The following LKAAEAR1 variants were observed in gnomAD, a reference collection of about 807,000 sequenced individuals.
LKAAEAR1 encodes the protein LKAAEAR motif containing 1, also known as protein LKAAEAR1.
LKAAEAR1 carries 19 observed loss-of-function variants against 16.5 expected under a neutral mutation model. The observed-to-expected ratio is 1.15, with a 90% CI of 0.80 to 1.69. The LOEUF (loss-of-function observed/expected upper bound fraction) is 1.69, where lower values mean the gene tolerates loss of function less well. LKAAEAR1 is among the 40% of genes most tolerant of loss of function. The pLI is 0.00. For synonymous variants in LKAAEAR1, 124 were observed against 152.7 expected, an observed-to-expected ratio of 0.81 and a Z score of 1.39; for missense variants, 304 against 315.8, an observed-to-expected ratio of 0.96 and a Z score of 0.28.
rs1402167397 is a variant in LKAAEAR1, at chr20:64,084,158, G to A, written c.62C>T (p.Ala21Val). The change falls in exon 1 of 3, where the codon GCG becomes GTG. Residue 21 changes from alanine (A) to valine (V), a missense_variant. Ala to Val is a moderately conservative substitution (Grantham distance 64). Transcript: ENST00000302096. The part of the protein sequence containing the change: ...KGPRERSGKS[A>V]PGTAQGEERA... ...CTCCTCACCCTGCGCCGTGCCTGGC[G>A]CGCTCTTCCCGCTTCGCTCCCGCGG... 6.9e-7 allele frequency: 1 copy of A among 1,454,496 alleles called. No individual in the cohort carries two copies. The highest frequency in any genetic ancestry group is 9.0e-7 in the Non-Finnish European group (1 of 1,111,254). The allele number at this position is 1,454,496 out of a possible 1,614,324, so 90.1% of individuals were successfully genotyped here.
upstream of LKAAEAR1, among the ~76,000 whole-genome samples, chr20:64,084,591 C>A (rs1362111915): frequency 6.6e-6 from 1 of 152,218 alleles, no homozygotes; most frequent in Admixed American, 6.5e-5. Flanking sequence ...CTAGGTGACG[C>A]CTGGGGGACC....
chr20:64,084,632 A>T (rs935086978), upstream of LKAAEAR1, among the ~76,000 whole-genome samples: 1 of 152,132 alleles, frequency 6.6e-6, no homozygotes, highest in Admixed American at 6.5e-5. Flanking sequence ...GCGGTCCCCG[A>T]CAGTCAGGGT....
In LKAAEAR1 at chr20:64,083,951, A is replaced by T; in HGVS notation, c.269T>A (p.Met90Lys). ...CTGCGTCCACGGGCGCGGGTCGGGC[A>T]TGCGGTACCCCGGTTCCACCGACCC... ...PCGSVEPGYR[M>K]PDPRPWTQSL... Residue 90 changes from methionine to lysine, a missense_variant, in exon 1 of 3, where the codon ATG (methionine) becomes AAG (lysine). By Grantham distance (95) the Met-to-Lys change is moderately conservative (BLOSUM62 -1). Coordinates refer to ENST00000302096, the MANE Select transcript of LKAAEAR1 (RefSeq NM_001353425.2). This position sits in a 1 kb window ranked among gnomAD's most constrained non-coding sequence, Gnocchi z 4.9. The T allele has an allele frequency of 6.8e-7, 1 of 1,464,612 alleles. No individual in the cohort carries two copies. The highest frequency in any genetic ancestry group is 9.0e-7 in the Non-Finnish European group (1 of 1,114,500). 90.7% of individuals were successfully genotyped at this position (1,464,612 alleles called of 1,614,324 possible).
chr20:64,083,702 C>T lies in LKAAEAR1; in HGVS notation c.406G>A (p.Glu136Lys). 1 of 1,388,556 alleles carries T rather than the reference C, an allele frequency of 7.2e-7. No homozygotes were observed. Among genetic ancestry groups the T allele is most frequent in the South Asian group, 1.6e-5 (1 of 61,406 alleles). The allele number at this position is 1,388,556 out of a possible 1,614,324, so 86.0% of individuals were successfully genotyped here. Residue 136 changes from glutamate to lysine, a missense_variant, in exon 2 of 3, where the codon GAG becomes AAG. Transcript: ENST00000302096. This position sits in a 1 kb window ranked among gnomAD's most constrained non-coding sequence, Gnocchi z 4.9. ...CGCTGGATGAGCAGCGCGATCTCCTCGGCCTGCGGGGCCCGGGTAGCTGAG... is the reference window on the plus strand; with the variant it reads ...CGCTGGATGAGCAGCGCGATCTCCTTGGCCTGCGGGGCCCGGGTAGCTGAG... ...LRLRYTRMRA[E>K]EIALLIQRQK...
chr20:64,083,874 C>A lies in LKAAEAR1; in HGVS notation c.346G>T (p.Ala116Ser). ...RQNRLLGVLK[A>S]AEARGRVRAL... ...CGGACTCGCCCGCGGGCCTCCGCTG[C>A]CTTGAGGACGCCGAGGAGCCGGTTC... The change falls in exon 1 of 3, where the codon GCA (alanine) becomes TCA (serine). Residue 116 changes from alanine to serine, a missense_variant. Coordinates refer to ENST00000302096, the MANE Select transcript of LKAAEAR1 (RefSeq NM_001353425.2). This position sits in a 1 kb window ranked among gnomAD's most constrained non-coding sequence, Gnocchi z 4.9. The A allele has an allele frequency of 7.0e-7, 1 of 1,435,526 alleles. No homozygotes were observed. Among genetic ancestry groups the A allele is most frequent in the Non-Finnish European group, 9.1e-7 (1 of 1,101,530 alleles). The allele number at this position is 1,435,526 out of a possible 1,614,324, so 88.9% of individuals were successfully genotyped here. A position where few individuals can be genotyped will look rare whatever the true frequency, so the allele number is the denominator to read the frequency against.
In LKAAEAR1 at chr20:64,083,930, G is replaced by A. The variant is rs1042301722; in HGVS notation, c.290C>T (p.Thr97Met). Residue 97 changes from threonine (T) to methionine (M), a missense_variant, in exon 1 of 3, where the codon ACG (threonine) becomes ATG (methionine). By Grantham distance (81) the Thr-to-Met change is moderately conservative. Transcript: ENST00000302096. The surrounding 1 kb of genome is among the most constrained non-coding windows in gnomAD (Gnocchi z 4.9). Reference protein sequence around the residue: ...GYRMPDPRPWTQSLELPAERQ... With the variant: ...GYRMPDPRPWMQSLELPAERQ... Reference sequence around the variant, plus strand: ...CTCGGCGGGCAGCTCGAGCGACTGCGTCCACGGGCGCGGGTCGGGCATGCG... The same window carrying A: ...CTCGGCGGGCAGCTCGAGCGACTGCATCCACGGGCGCGGGTCGGGCATGCG... 2.1e-6 allele frequency: 3 copies of A among 1,455,378 alleles called. No individual in the cohort carries two copies. The highest frequency in any genetic ancestry group is 2.5e-5 in the Admixed American group (1 of 39,742). 90.2% of individuals were successfully genotyped at this position (1,455,378 alleles called of 1,614,324 possible).
upstream of LKAAEAR1, among the ~76,000 whole-genome samples, chr20:64,084,613 C>T (rs4527258): frequency 3.3e-5 from 5 of 152,192 alleles, no homozygotes; most frequent in Admixed American, 3.3e-4. Context: ...TCGTTGTGCC[C>T]CTATGTCTGC....
chr20:64,083,475 A>G lies in LKAAEAR1; in HGVS notation c.545T>C (p.Ile182Thr), dbSNP rs2059992487. The G allele has an allele frequency of 1.9e-6, 3 of 1,603,732 alleles. No homozygotes were observed. The highest frequency in any genetic ancestry group is 2.6e-6 in the Non-Finnish European group (3 of 1,176,168). ...DRQERRRVET[I>T]LEENVDGTIF... The stretch of plus-strand genomic sequence containing the variant: ...GGTGCCATCCACGTTCTCCTCCAGG[A>G]TGGTCTCCACGCGCCTCCGCTGCCG... Residue 182 changes from isoleucine to threonine, a missense_variant, in exon 3 of 3, where the codon ATC becomes ACC. Ile to Thr is a moderately conservative substitution (Grantham distance 89, BLOSUM62 -1). Coordinates refer to ENST00000302096, the MANE Select transcript of LKAAEAR1 (RefSeq NM_001353425.2). The surrounding 1 kb of genome is among the most constrained non-coding windows in gnomAD (Gnocchi z 4.9).
In LKAAEAR1 at chr20:64,083,720, T is replaced by C; in HGVS notation, c.403-15A>G. The C allele has an allele frequency of 7.3e-7, 1 of 1,361,936 alleles. No homozygotes were observed. The highest frequency in any genetic ancestry group is 9.4e-7 in the Non-Finnish European group (1 of 1,065,886). The allele number at this position is 1,361,936 out of a possible 1,614,324, so 84.4% of individuals were successfully genotyped here. A position where few individuals can be genotyped will look rare whatever the true frequency, so the allele number is the denominator to read the frequency against. On this transcript the variant is annotated splice_polypyrimidine_tract_variant and intron_variant, in intron 1 of 2. Transcript: ENST00000302096. This position sits in a 1 kb window ranked among gnomAD's most constrained non-coding sequence, Gnocchi z 4.9. ...ATCTCCTCGGCCTGCGGGGCCCGGG[T>C]AGCTGAGCGCGCGCCGAGCCCCGCC...
rs1047389456 is a variant in LKAAEAR1 at position 64,083,598 on chromosome 20, G to A, written c.510C>T (p.Pro170=). The change falls in exon 2 of 3, where the codon CCC becomes CCT. Residue 170 remains proline, a synonymous_variant. Transcript: ENST00000302096. This position sits in a 1 kb window ranked among gnomAD's most constrained non-coding sequence, Gnocchi z 4.9. ...PQLKPARIPD[P]LDRQERRRVE... ...TTGTCTGCACCTCTTGGCGGTCCAGGGGGTCCGGGATCCGCGCGGGCTTCA... is the reference window on the plus strand; with the variant it reads ...TTGTCTGCACCTCTTGGCGGTCCAGAGGGTCCGGGATCCGCGCGGGCTTCA... 2 of 1,491,156 alleles carry A rather than the reference G, an allele frequency of 1.3e-6. No homozygotes were observed. Among genetic ancestry groups the A allele is most frequent in the African/African-American group, 2.9e-5 (2 of 69,760 alleles). 92.4% of individuals were successfully genotyped at this position (1,491,156 alleles called of 1,614,324 possible).
At position 64,083,547 on chromosome 20, in the gene LKAAEAR1, TC is replaced by T. The variant is rs2059994767; in HGVS notation, c.525+35del. On this transcript the variant is annotated intron_variant, in intron 2 of 2. Coordinates refer to ENST00000302096, the MANE Select transcript of LKAAEAR1 (RefSeq NM_001353425.2). This position sits in a 1 kb window ranked among gnomAD's most constrained non-coding sequence, Gnocchi z 4.9. Reference sequence around the variant, plus strand: ...CGTGTGCGGAGGCGGGCAGGGCCCCTCCCCTTTCCCCGCCCCTACCGGGGCT... The same window carrying T: ...CGTGTGCGGAGGCGGGCAGGGCCCCTCCCTTTCCCCGCCCCTACCGGGGCT... 1.5e-5 allele frequency: 23 copies of T among 1,533,282 alleles called. No individual in the cohort carries two copies. Among genetic ancestry groups the T allele is most frequent in the Non-Finnish European group, 1.8e-5 (21 of 1,139,132 alleles). The allele number at this position is 1,533,282 out of a possible 1,614,324, so 95.0% of individuals were successfully genotyped here. A position where few individuals can be genotyped will look rare whatever the true frequency, so the allele number is the denominator to read the frequency against.
Position 64,084,147 on chromosome 20 carries a change from C to T in LKAAEAR1, c.73G>A (p.Ala25Thr). ...ERSGKSAPGT[A>T]QGEERAKGAP... is the part of the protein sequence containing the mutation. The stretch of plus-strand genomic sequence containing the variant: ...CCCTTGGCACGCTCCTCACCCTGCG[C>T]CGTGCCTGGCGCGCTCTTCCCGCTT... Residue 25 changes from alanine (A) to threonine (T), a missense_variant, in exon 1 of 3, where the codon GCG becomes ACG. Transcript: ENST00000302096. The T allele has an allele frequency of 1.4e-6, 2 of 1,457,926 alleles. No homozygotes were observed. Among genetic ancestry groups the T allele is most frequent in the South Asian group, 1.3e-5 (1 of 75,154 alleles). 90.3% of individuals were successfully genotyped at this position (1,457,926 alleles called of 1,614,324 possible).
At position 64,083,571 on chromosome 20, in the gene LKAAEAR1, G is replaced by T; in HGVS notation, c.525+12C>A. The T allele has an allele frequency of 2.0e-6, 3 of 1,526,412 alleles. No homozygotes were observed. Among genetic ancestry groups the T allele is most frequent in the South Asian group, 2.4e-5 (2 of 82,654 alleles). 94.6% of individuals were successfully genotyped at this position (1,526,412 alleles called of 1,614,324 possible). On this transcript the variant is annotated intron_variant, in intron 2 of 2. Coordinates refer to ENST00000302096, the MANE Select transcript of LKAAEAR1 (RefSeq NM_001353425.2). The surrounding 1 kb of genome is among the most constrained non-coding windows in gnomAD (Gnocchi z 4.9). ...CTCCCCTTTCCCCGCCCCTACCGGG[G>T]CTTGTCTGCACCTCTTGGCGGTCCA...
Position 64,083,868 on chromosome 20 carries a change from C to T in LKAAEAR1, c.352G>A (p.Glu118Lys). ...AGGGCGCGGACTCGCCCGCGGGCCT[C>T]CGCTGCCTTGAGGACGCCGAGGAGC... ...NRLLGVLKAAEARGRVRALRL... is the reference protein window; with the variant it reads ...NRLLGVLKAAKARGRVRALRL... Residue 118 changes from glutamate to lysine, a missense_variant, in exon 1 of 3, where the codon GAG becomes AAG. Transcript: ENST00000302096. The surrounding 1 kb of genome is among the most constrained non-coding windows in gnomAD (Gnocchi z 4.9). The T allele has an allele frequency of 7.0e-7, 1 of 1,426,088 alleles. No homozygotes were observed. The highest frequency in any genetic ancestry group is 1.5e-5 in the African/African-American group (1 of 66,698). The allele number at this position is 1,426,088 out of a possible 1,614,324, so 88.3% of individuals were successfully genotyped here.
At position 64,083,806 on chromosome 20, in the gene LKAAEAR1, C is replaced by A. The variant is rs887482488; in HGVS notation, c.402+12G>T. On this transcript the variant is annotated intron_variant, in intron 1 of 2. Transcript: ENST00000302096. This position sits in a 1 kb window ranked among gnomAD's most constrained non-coding sequence, Gnocchi z 4.9. Reference sequence around the variant, plus strand: ...GGTGCGCCCCCTCTGCCCTCCGACCCCCTCGCCTCACCCGCATGCGGGTGT... The same window carrying A: ...GGTGCGCCCCCTCTGCCCTCCGACCACCTCGCCTCACCCGCATGCGGGTGT... 1 of 1,349,616 alleles carries A rather than the reference C, an allele frequency of 7.4e-7. No homozygotes were observed. The highest frequency in any genetic ancestry group is 1.5e-5 in the African/African-American group (1 of 64,900). 83.6% of individuals were successfully genotyped at this position (1,349,616 alleles called of 1,614,324 possible). A position where few individuals can be genotyped will look rare whatever the true frequency, so the allele number is the denominator to read the frequency against.
Position 64,083,693 on chromosome 20 carries a change from C to A in LKAAEAR1, c.415G>T (p.Ala139Ser). ...GACTTCTGCCGCTGGATGAGCAGCG[C>A]GATCTCCTCGGCCTGCGGGGCCCGG... ...RYTRMRAEEI[A>S]LLIQRQKSAR... Residue 139 changes from alanine to serine, a missense_variant, in exon 2 of 3, where the codon GCG becomes TCG. Transcript: ENST00000302096. This position sits in a 1 kb window ranked among gnomAD's most constrained non-coding sequence, Gnocchi z 4.9. 7.1e-7 allele frequency: 1 copy of A among 1,407,492 alleles called. No individual in the cohort carries two copies. The allele number at this position is 1,407,492 out of a possible 1,614,324, so 87.2% of individuals were successfully genotyped here. A position where few individuals can be genotyped will look rare whatever the true frequency, so the allele number is the denominator to read the frequency against.
upstream of LKAAEAR1, chr20:64,084,491 A>T (rs1490928220): frequency 3.7e-6 from 3 of 816,638 alleles, no homozygotes; most frequent in African/African-American, 5.4e-5. Flanking sequence ...TGTAGGAAAT[A>T]TCTTTCCTAC....
upstream of LKAAEAR1, among the ~76,000 whole-genome samples, chr20:64,084,826 A>G (rs1184304856): frequency 7.2e-5 from 11 of 152,184 alleles, no homozygotes; most frequent in Non-Finnish European, 1.6e-4. Context: ...AGGCAGAGCC[A>G]CGGCCAGCCC....
Position 64,083,571 on chromosome 20 carries a change from G to A in LKAAEAR1, c.525+12C>T. Reference sequence around the variant, plus strand: ...CTCCCCTTTCCCCGCCCCTACCGGGGCTTGTCTGCACCTCTTGGCGGTCCA... The same window carrying A: ...CTCCCCTTTCCCCGCCCCTACCGGGACTTGTCTGCACCTCTTGGCGGTCCA... On this transcript the variant is annotated intron_variant, in intron 2 of 2. Transcript: ENST00000302096. This position sits in a 1 kb window ranked among gnomAD's most constrained non-coding sequence, Gnocchi z 4.9. 4 of 1,526,412 alleles carry A rather than the reference G, an allele frequency of 2.6e-6. No homozygotes were observed. Among genetic ancestry groups the A allele is most frequent in the South Asian group, 1.2e-5 (1 of 82,654 alleles). The allele number at this position is 1,526,412 out of a possible 1,614,324, so 94.6% of individuals were successfully genotyped here. A position where few individuals can be genotyped will look rare whatever the true frequency, so the allele number is the denominator to read the frequency against.
Sources: gnomAD v4.1 joint callset for allele counts (sites outside exome capture counted in the v4.1 genomes callset) on GRCh38, gnomAD v4.1.1 for gene constraint, Gnocchi (gnomAD v3.1) non-coding constraint, MANE v1.5 for transcripts, NCBI Gene and HGNC (gene_info 2026-07-23, HGNC 2026-07-21) for gene names.